AKAIN1: variants seen among roughly 807,000 people sequenced by gnomAD.
AKAIN1 encodes the protein A-kinase anchor inhibitor 1.
In AKAIN1, 3 loss-of-function variants were observed where a neutral mutation model predicts 3.7. The ratio of observed to expected loss-of-function variants is 0.82; its 90% CI spans 0.37 to 2.12. The LOEUF is 2.12. Ranked by LOEUF, AKAIN1 falls within the 30% of genes most tolerant of loss-of-function variation. The pLI is 0.06. For missense variants in AKAIN1, 82 were observed against 82.7 expected (o/e 0.99, Z 0.03); for synonymous variants, 31 against 30.8 (o/e 1.01, Z -0.02).
intron 1 of AKAIN1, among the ~76,000 whole-genome samples, chr18:5,171,914 C>CA (rs2071200051): frequency 6.6e-6 from 1 of 152,050 alleles, no homozygotes; most frequent in Non-Finnish European, 1.5e-5. Flanking sequence ...GTATGATCCA[C>CA]AAAAGCCAAG....
At chr18:5,194,500 T>C (rs542763384) in intron 1 of AKAIN1, among the ~76,000 whole-genome samples, 2 of 152,272 alleles carry the variant, frequency 1.3e-5, no homozygotes, top group Admixed American at 1.3e-4. Context: ...TCATTCTAAT[T>C]CCCCCTCATT....
chr18:5,157,829 T>A (rs1347990426), intron 1 of AKAIN1, among the ~76,000 whole-genome samples: 1 of 152,032 alleles, frequency 6.6e-6, no homozygotes, highest in African/African-American at 2.4e-5. Context: ...GGACTACAGG[T>A]GCATGCTACG....
In AKAIN1 at chr18:5,164,127, T is replaced by C. The variant is rs545035244; in HGVS notation, c.17-18372A>G. The stretch of plus-strand genomic sequence containing the variant: ...CATGTGCAAAAAATCTAGAGCAAGG[T>C]GAAAAAGTACAGTGAAAAAACCCAA... On this transcript the variant is annotated intron_variant, in intron 1 of 1. Transcript: ENST00000434239. Among the ~76,000 whole-genome samples, 535 of 152,054 alleles carry C rather than the reference T, an allele frequency of 3.5e-3. 3 individuals are homozygous for C. The highest frequency in any genetic ancestry group is 0.012 in the African/African-American group (512 of 41,524).
At position 5,175,365 on chromosome 18, in the gene AKAIN1, A is replaced by G. The variant is rs964442591; in HGVS notation, c.16+21673T>C. ...TAGGTGGAAGGCCATGCTTTCTATT[A>G]GAACTATAACTTGCTTAGAACACGA... On this transcript the variant is annotated intron_variant, in intron 1 of 1. Coordinates refer to ENST00000434239, the MANE Select transcript of AKAIN1 (RefSeq NM_001145194.2). Among the ~76,000 whole-genome samples the G allele has an allele frequency of 9.8e-5, 15 of 152,330 alleles. 2 individuals carry two copies. The highest frequency in any genetic ancestry group is 6.5e-4 in the Admixed American group (10 of 15,304).
chr18:5,148,795 T>A (rs1427618075), intron 1 of AKAIN1, among the ~76,000 whole-genome samples: 3 of 152,012 alleles, frequency 2.0e-5, no homozygotes, highest in African/African-American at 7.3e-5. Flanking sequence ...AGGCAGAGGT[T>A]GCAGTAAGCT....
intron 1 of AKAIN1, among the ~76,000 whole-genome samples, chr18:5,192,388 T>A (rs74559499): frequency 0.071 from 5,768 of 81,662 alleles, 347 homozygotes; most frequent in East Asian, 0.38. Context: ...GAGCTAATTT[T>A]CTTTCTTTCT....
At chr18:5,158,789 T>C (rs1291508013) in intron 1 of AKAIN1, among the ~76,000 whole-genome samples, 2 of 152,220 alleles carry the variant, frequency 1.3e-5, no homozygotes, top group African/African-American at 4.8e-5. Context: ...CATGAGCCTG[T>C]GCCGAGAAAG....
chr18:5,163,210 A>G (rs397241), intron 1 of AKAIN1, among the ~76,000 whole-genome samples: 92,572 of 151,874 alleles, frequency 0.61, 29,108 homozygotes, highest in African/African-American at 0.76. Flanking sequence ...CAAAGTGCAA[A>G]TTCTGCCTTT....
chr18:5,178,237 T>A (rs1261344110), intron 1 of AKAIN1, among the ~76,000 whole-genome samples: 2 of 152,094 alleles, frequency 1.3e-5, no homozygotes, highest in Non-Finnish European at 2.9e-5. Context: ...GGTAATTGAA[T>A]TATTGAGATT....
At chr18:5,194,484 A>C (rs1449534531) in intron 1 of AKAIN1, among the ~76,000 whole-genome samples, 1 of 152,216 alleles carries the variant, frequency 6.6e-6, no homozygotes, top group Non-Finnish European at 1.5e-5. Context: ...TAGGGTTAAT[A>C]AAGTCTCATT....
Position 5,177,980 on chromosome 18 carries a change from C to G in AKAIN1, c.16+19058G>C, listed in dbSNP as rs74557844. On this transcript the variant is annotated intron_variant, in intron 1 of 1. Transcript: ENST00000434239. ...TGTGGGCCCTGTCTTATTCCTTCCT[C>G]AACTGTGACTCTTTATCCATCTAAG... Among the ~76,000 whole-genome samples, 917 of 152,180 alleles carry G rather than the reference C, an allele frequency of 6.0e-3. 9 individuals are homozygous for G. The highest frequency in any genetic ancestry group is 0.021 in the African/African-American group (859 of 41,540).
intron 1 of AKAIN1, among the ~76,000 whole-genome samples, chr18:5,188,804 C>G (rs1403304076): frequency 6.6e-6 from 1 of 152,074 alleles, no homozygotes; most frequent in African/African-American, 2.4e-5. Context: ...CAATATAAAC[C>G]CCTCATTTTG....
intron 1 of AKAIN1, among the ~76,000 whole-genome samples, chr18:5,169,295 T>C (rs1890700565): frequency 6.6e-6 from 1 of 152,090 alleles, no homozygotes; most frequent in African/African-American, 2.4e-5. Flanking sequence ...ATTATATCTT[T>C]AAAAATATCC....
At chr18:5,195,593 T>C (rs1359195056) in intron 1 of AKAIN1, among the ~76,000 whole-genome samples, 2 of 152,110 alleles carry the variant, frequency 1.3e-5, no homozygotes, top group Admixed American at 6.5e-5. Context: ...GAAAACTCCA[T>C]TAGAGACTAG....
At chr18:5,184,150 T>A (rs1330423820) in intron 1 of AKAIN1, among the ~76,000 whole-genome samples, 1 of 152,036 alleles carries the variant, frequency 6.6e-6, no homozygotes, top group Non-Finnish European at 1.5e-5. Context: ...GTGGCTCAAT[T>A]TTTTTGCCAC....
At chr18:5,170,400 G>A (rs1302081975) in intron 1 of AKAIN1, among the ~76,000 whole-genome samples, 2 of 151,936 alleles carry the variant, frequency 1.3e-5, no homozygotes, top group African/African-American at 4.8e-5. Flanking sequence ...TGATATCATG[G>A]CCCCAGTTCT....
At position 5,144,200 on chromosome 18, in the gene AKAIN1, T is replaced by G. The variant is rs1449841330; in HGVS notation, c.*1362A>C. The stretch of plus-strand genomic sequence containing the variant: ...TTTCATTCATTATCTATTATCCAAC[T>G]ATTTATTCTAGAAACTGTAGCATAT... On this transcript the variant is annotated 3_prime_UTR_variant, in exon 2 of 2. Transcript: ENST00000434239. Among the ~76,000 whole-genome samples, 1 of 152,190 alleles carries G rather than the reference T, an allele frequency of 6.6e-6. No individual in the cohort carries two copies. Among genetic ancestry groups the G allele is most frequent in the Non-Finnish European group, 1.5e-5 (1 of 68,032 alleles).
chr18:5,182,865 G>A (rs1426996523), intron 1 of AKAIN1, among the ~76,000 whole-genome samples: 1 of 152,020 alleles, frequency 6.6e-6, no homozygotes, highest in Non-Finnish European at 1.5e-5. Context: ...ACTGTGCAAG[G>A]ACAGAGTCCA....
At chr18:5,169,370 C>T (rs1032114850) in intron 1 of AKAIN1, among the ~76,000 whole-genome samples, 1 of 152,082 alleles carries the variant, frequency 6.6e-6, no homozygotes, top group Non-Finnish European at 1.5e-5. Context: ...CAAGTTGACA[C>T]AAAATTCACA....
Sources: gnomAD v4.1 joint callset for allele counts (sites outside exome capture counted in the v4.1 genomes callset) on GRCh38, gnomAD v4.1.1 for gene constraint, MANE v1.5 for transcripts, NCBI Gene and HGNC (gene_info 2026-07-23, HGNC 2026-07-21) for gene names.